PREX2: variants seen among roughly 807,000 people sequenced by gnomAD.
PREX2 encodes the protein phosphatidylinositol-3,4,5-trisphosphate dependent Rac exchange factor 2.
PREX2 carries 107 observed loss-of-function variants against 203.2 expected under a neutral mutation model. That is an observed-to-expected ratio of 0.53 (90% CI 0.45 to 0.62). The LOEUF is 0.62. PREX2 is among the 20% of genes least tolerant of loss of function. PREX2 has a pLI of 0.00. For missense variants in PREX2, 1,777 were observed against 1,955.9 expected, an observed-to-expected ratio of 0.91 and a Z score of 1.72; for synonymous variants, 672 against 663.6, an observed-to-expected ratio of 1.01 and a Z score of -0.19.
At chr8:67,981,155 AG>A (rs1806258270) in intron 1 of PREX2, among the ~76,000 whole-genome samples, 1 of 152,244 alleles carries the variant, frequency 6.6e-6, no homozygotes, top group Admixed American at 6.5e-5. Flanking sequence ...ATTGGGAAAA[AG>A]ATGTTGGGTG....
intron 21 of PREX2, among the ~76,000 whole-genome samples, chr8:68,094,366 CAGAGAG>C (rs1181160085): frequency 2.0e-5 from 3 of 152,096 alleles, no homozygotes; most frequent in Non-Finnish European, 2.9e-5. Context: ...GAGAGAGAAA[CAGAGAG>C]AGAGGGAGAG....
intron 35 of PREX2, among the ~76,000 whole-genome samples, chr8:68,186,111 A>G (rs1005858092): frequency 6.6e-6 from 1 of 152,244 alleles, no homozygotes; most frequent in African/African-American, 2.4e-5. Context: ...ACCTGTAAAC[A>G]TTATGATTGG....
At chr8:68,079,415 G>T (rs1012335055) in intron 15 of PREX2, among the ~76,000 whole-genome samples, 16 of 152,104 alleles carry the variant, frequency 1.1e-4, no homozygotes, top group Admixed American at 9.2e-4. Flanking sequence ...ACCTCATTTT[G>T]GTTTTAAGCA....
At chr8:68,217,020 T>C (rs1812855358) in intron 37 of PREX2, among the ~76,000 whole-genome samples, 1 of 151,058 alleles carries the variant, frequency 6.6e-6, no homozygotes, top group Non-Finnish European at 1.5e-5. Context: ...GAACAAAGGC[T>C]CACCAGTCAC....
At chr8:68,039,106 T>C (rs1265558368) in intron 7 of PREX2, among the ~76,000 whole-genome samples, 1 of 152,168 alleles carries the variant, frequency 6.6e-6, no homozygotes, top group Non-Finnish European at 1.5e-5. Flanking sequence ...ATTTTAAAAG[T>C]CCTTTATCTT....
At chr8:68,030,253 A>G (rs1461740735) in intron 5 of PREX2, among the ~76,000 whole-genome samples, 1 of 152,196 alleles carries the variant, frequency 6.6e-6, no homozygotes, top group East Asian at 1.9e-4. Flanking sequence ...GAAAGGAGGA[A>G]CCTAACTTAA....
chr8:68,158,142 T>C (rs188488950), intron 35 of PREX2, among the ~76,000 whole-genome samples: 6,796 of 149,624 alleles, frequency 0.045, 520 homozygotes, highest in African/African-American at 0.16. Flanking sequence ...TATACACACA[T>C]ATATGAATAT....
chr8:67,999,834 C>T (rs917683530), intron 1 of PREX2, among the ~76,000 whole-genome samples: 1 of 152,166 alleles, frequency 6.6e-6, no homozygotes, highest in Non-Finnish European at 1.5e-5. Context: ...AAATGTGATT[C>T]ATCACATAAA....
chr8:67,960,115 A>C (rs1805594577), intron 1 of PREX2, among the ~76,000 whole-genome samples: 1 of 151,906 alleles, frequency 6.6e-6, no homozygotes, highest in South Asian at 2.1e-4. Context: ...ATCTTGGCTC[A>C]CTGCAACCTT....
intron 37 of PREX2, among the ~76,000 whole-genome samples, chr8:68,214,436 T>C (rs534017501): frequency 6.6e-6 from 1 of 152,304 alleles, no homozygotes; most frequent in East Asian, 1.9e-4. Flanking sequence ...TGAGGGTTCC[T>C]GGCCTTTAAT....
At position 68,214,807 on chromosome 8, in the gene PREX2, C is replaced by T. The variant is rs187647457; in HGVS notation, c.4605-2809C>T. On this transcript the variant is annotated intron_variant, in intron 37 of 39. Coordinates refer to ENST00000288368, the MANE Select transcript of PREX2 (RefSeq NM_024870.4). ...GATGCTGTGAGTGGAAATACAAGGC[C>T]TTGGTTGGACCCATCAACCATGAAT... 8.5e-3 allele frequency among the ~76,000 whole-genome samples: 1,291 copies of T among 152,328 alleles called. 17 individuals carry two copies. The highest frequency in any genetic ancestry group is 0.029 in the African/African-American group (1,193 of 41,576).
chr8:67,952,587 G>T, intron 1 of PREX2, 52 bp downstream of exon 1: 3 of 1,579,706 alleles, frequency 1.9e-6, no homozygotes, highest in Admixed American at 1.8e-5. Flanking sequence ...CGGGGCGCGG[G>T]TCCCGGAGTG....
At chr8:67,962,610 T>A (rs7814404) in intron 1 of PREX2, among the ~76,000 whole-genome samples, 24,823 of 150,208 alleles carry the variant, frequency 0.17, 2,155 homozygotes, top group Middle Eastern at 0.2. Context: ...ATTTTATTTT[T>A]TTTTTTATTT....
intron 20 of PREX2, 36 bp from the exon 21 acceptor site, chr8:68,093,569 A>T (rs756420127): frequency 1.9e-6 from 2 of 1,029,588 alleles, no homozygotes; most frequent in East Asian, 2.4e-5. Flanking sequence ...AGGAAGCACT[A>T]ATACCTCTGA....
Position 68,009,140 on chromosome 8 carries a change from A to G in PREX2, c.142-8706A>G, listed in dbSNP as rs117937601. On this transcript the variant is annotated intron_variant, in intron 1 of 39. Coordinates refer to ENST00000288368, the MANE Select transcript of PREX2 (RefSeq NM_024870.4). ...GACAGATCTTCAGGTTGGGATCTTCATTCATTTCTCTGGGTTTTCCAGCAC... is the reference window on the plus strand; with the variant it reads ...GACAGATCTTCAGGTTGGGATCTTCGTTCATTTCTCTGGGTTTTCCAGCAC... 4.0e-3 allele frequency among the ~76,000 whole-genome samples: 591 copies of G among 149,288 alleles called. 3 individuals carry two copies. The highest frequency in any genetic ancestry group is 6.7e-3 in the Non-Finnish European group (455 of 68,014).
chr8:68,032,018 A>T (rs890400714), intron 6 of PREX2, among the ~76,000 whole-genome samples: 2 of 152,218 alleles, frequency 1.3e-5, no homozygotes, highest in African/African-American at 4.8e-5. Context: ...AATTGAGTGT[A>T]CTGCAGAAAT....
intron 35 of PREX2, among the ~76,000 whole-genome samples, chr8:68,172,425 A>G (rs1178289631): frequency 6.6e-6 from 1 of 152,236 alleles, no homozygotes; most frequent in African/African-American, 2.4e-5. Context: ...GAGCCTCACA[A>G]GAGTTAAATT....
intron 32 of PREX2, among the ~76,000 whole-genome samples, chr8:68,134,728 T>C (rs1811078557): frequency 6.6e-6 from 1 of 152,224 alleles, no homozygotes; most frequent in Non-Finnish European, 1.5e-5. Context: ...TGTTTAAAAT[T>C]TGCATATGTT....
chr8:67,961,002 T>G lies in PREX2; in HGVS notation c.141+8467T>G, dbSNP rs557494812. On this transcript the variant is annotated intron_variant, in intron 1 of 39. Transcript: ENST00000288368. ...CAAATCTCAGAGATAATGACAACCATTTTTTAAACCATGGTGCAAATAGTA... is the reference window on the plus strand; with the variant it reads ...CAAATCTCAGAGATAATGACAACCAGTTTTTAAACCATGGTGCAAATAGTA... Among the ~76,000 whole-genome samples, 3 of 150,912 alleles carry G rather than the reference T, an allele frequency of 2.0e-5. No individual in the cohort carries two copies. In the East Asian group the frequency reaches 5.8e-4, roughly 29 times the overall value.
Sources: allele counts gnomAD v4.1 joint callset (sites outside exome capture counted in the v4.1 genomes callset), GRCh38; gene constraint gnomAD v4.1.1; transcripts MANE v1.5; gene names NCBI Gene and HGNC (gene_info 2026-07-23, HGNC 2026-07-21).